ELFN2: variants seen among roughly 807,000 people sequenced by gnomAD.
The protein encoded by ELFN2 is protein phosphatase 1 regulatory subunit 29.
ELFN2 carries 17 observed loss-of-function variants against 45.5 expected under a neutral mutation model. That is an observed-to-expected ratio of 0.37 (90% CI 0.26 to 0.56). The LOEUF (loss-of-function observed/expected upper bound fraction) is 0.56, where lower values mean the gene tolerates loss of function less well. ELFN2 is among the 20% of genes least tolerant of loss of function. ELFN2 has a pLI of 0.77. For synonymous variants in ELFN2, 550 were observed against 551.5 expected, an observed-to-expected ratio of 1.00 and a Z score of 0.04; for missense variants, 922 against 1,183.2, an observed-to-expected ratio of 0.78 and a Z score of 3.24.
chr22:37,374,080 C>T lies in ELFN2; in HGVS notation c.1455G>A (p.Lys485=). 6.2e-7 allele frequency: 1 copy of T among 1,613,248 alleles called. No homozygotes were observed. Among genetic ancestry groups the T allele is most frequent in the Non-Finnish European group, 8.5e-7 (1 of 1,180,020 alleles). ...SMIGEKLPTA[K]GLEAGLDTPK... ...GTGTGTCCAGCCCGGCCTCCAACCC[C>T]TTGGCGGTGGGCAGCTTCTCCCCGA... Residue 485 remains lysine, a synonymous_variant, in exon 3 of 3, where the codon AAG becomes AAA. Coordinates refer to ENST00000402918, the MANE Select transcript of ELFN2 (RefSeq NM_052906.5).
At chr22:37,389,835 C>T (rs1429830252) in intron 2 of ELFN2, among the ~76,000 whole-genome samples, 2 of 152,158 alleles carry the variant, frequency 1.3e-5, no homozygotes, top group African/African-American at 2.4e-5. Context: ...TAAGGCCTGG[C>T]GCATAGTAGG....
At chr22:37,425,197 T>A (rs1932838702) in intron 1 of ELFN2, among the ~76,000 whole-genome samples, 1 of 152,114 alleles carries the variant, frequency 6.6e-6, no homozygotes, top group African/African-American at 2.4e-5. Flanking sequence ...CTGGCTGGGA[T>A]GAAGAGGAAA....
rs575888121 is a variant in ELFN2 at position 37,398,900 on chromosome 22, C to T, written c.-463+18869G>A. On this transcript the variant is annotated intron_variant, in intron 2 of 2. Coordinates refer to ENST00000402918, the MANE Select transcript of ELFN2 (RefSeq NM_052906.5). ...TCCCACCTCCAGCCCAACCCCAGAA[C>T]AGCACCTCCAAGAAACACCCCCTGT... 3.0e-4 allele frequency among the ~76,000 whole-genome samples: 46 copies of T among 152,244 alleles called. 2 individuals are homozygous for T. The South Asian group carries it at 9.6e-3, about 32-fold the overall frequency.
At chr22:37,344,117 C>T (rs1210581612) in intron 1 of ELFN2, among the ~76,000 whole-genome samples, 5 of 112,930 alleles carry the variant, frequency 4.4e-5, no homozygotes, top group African/African-American at 1.4e-4. Flanking sequence ...TGCCTATGCC[C>T]GCCTGCCCAT....
Position 37,373,386 on chromosome 22 carries a change from A to G in ELFN2, c.2149T>C (p.Tyr717His). The change falls in exon 3 of 3, where the codon TAC becomes CAC. Residue 717 changes from tyrosine (Y) to histidine (H), a missense_variant. Tyr to His is a moderately conservative substitution (Grantham distance 83). Transcript: ENST00000402918. ...EHRHSFPALY[Y>H]EEGADSLSQR... ...CTCAGGCTGTCGGCACCCTCCTCGT[A>G]GTACAGGGCGGGAAAGCTGTGCCGG... 1 of 1,609,260 alleles carries G rather than the reference A, an allele frequency of 6.2e-7. No homozygotes were observed. The highest frequency in any genetic ancestry group is 1.7e-5 in the Admixed American group (1 of 59,386).
chr22:37,355,493 G>A (rs1930927018), intron 1 of ELFN2, among the ~76,000 whole-genome samples: 1 of 152,224 alleles, frequency 6.6e-6, no homozygotes, highest in Non-Finnish European at 1.5e-5. Flanking sequence ...TGGAGGTGGT[G>A]CTGGCGTCCT....
chr22:37,387,584 G>A (rs1048695435), intron 2 of ELFN2, among the ~76,000 whole-genome samples: 4 of 152,100 alleles, frequency 2.6e-5, no homozygotes, highest in African/African-American at 9.7e-5. Flanking sequence ...CTGGTGCCAG[G>A]CACAGCGCCT....
At chr22:37,396,490 A>T (rs1157188616) in intron 2 of ELFN2, among the ~76,000 whole-genome samples, 2 of 152,208 alleles carry the variant, frequency 1.3e-5, no homozygotes, top group African/African-American at 4.8e-5. Flanking sequence ...ACCTTGTGCC[A>T]TCTACTTTCA....
intron 1 of ELFN2, among the ~76,000 whole-genome samples, chr22:37,362,577 C>T (rs1262568138): frequency 2.6e-5 from 4 of 152,344 alleles, no homozygotes; most frequent in South Asian, 2.1e-4. Flanking sequence ...GGGCCATGCC[C>T]GATCTGGGAC....
intron 2 of ELFN2, among the ~76,000 whole-genome samples, chr22:37,395,974 GGTGGTTAA>G (rs1048791288): frequency 6.6e-6 from 1 of 152,198 alleles, no homozygotes; most frequent in African/African-American, 2.4e-5. Flanking sequence ...ACCCGAAGCT[GGTGGTTAA>G]GTGGGAGGCT....
rs552041224 is a variant in ELFN2, at chr22:37,417,305, C to T, written c.-463+464G>A. Among the ~76,000 whole-genome samples, 20 of 152,336 alleles carry T rather than the reference C, an allele frequency of 1.3e-4. No individual in the cohort carries two copies. In the East Asian group the frequency reaches 1.5e-3, roughly 12 times the overall value. ...TTCTGCTGGCGTTTTCCCCTGCTCC[C>T]GGCTCACTTCCAGCCTCTCTCTCTA... On this transcript the variant is annotated intron_variant, in intron 2 of 2. Coordinates refer to ENST00000402918, the MANE Select transcript of ELFN2 (RefSeq NM_052906.5). This position sits in a 1 kb window ranked among gnomAD's most constrained non-coding sequence, Gnocchi z 4.5.
At chr22:37,353,675 A>G (rs1277807872) in intron 1 of ELFN2, 1 of 151,090 alleles carries the variant, frequency 6.6e-6, no homozygotes, top group Non-Finnish European at 1.5e-5. Flanking sequence ...GCTCAGCTTC[A>G]TCATCAGGGA....
At position 37,374,762 on chromosome 22, in the gene ELFN2, G is replaced by T; in HGVS notation, c.773C>A (p.Pro258His). 1 of 1,609,972 alleles carries T rather than the reference G, an allele frequency of 6.2e-7. No homozygotes were observed. The highest frequency in any genetic ancestry group is 1.1e-5 in the South Asian group (1 of 91,038). Residue 258 changes from proline to histidine, a missense_variant, in exon 3 of 3, where the codon CCC becomes CAC. By Grantham distance (77) the Pro-to-His change is moderately conservative (BLOSUM62 -2). Around this residue, in one of 2 missense-constraint regions of ELFN2, gnomAD observed 358 missense variants for 540.4 expected, o/e 0.66. Coordinates refer to ENST00000402918, the MANE Select transcript of ELFN2 (RefSeq NM_052906.5). ...GSLPARPVSH[P>H]TPYSTDAQRE... ...CTGGGCGTCGGTGGAGTAGGGCGTGGGGTGGCTCACGGGCCGGGCGGGCAG... is the reference window on the plus strand; with the variant it reads ...CTGGGCGTCGGTGGAGTAGGGCGTGTGGTGGCTCACGGGCCGGGCGGGCAG...
At chr22:37,409,424 G>A (rs1002388828) in intron 2 of ELFN2, among the ~76,000 whole-genome samples, 2 of 152,186 alleles carry the variant, frequency 1.3e-5, no homozygotes, top group African/African-American at 4.8e-5. Flanking sequence ...TGTCCCCAGA[G>A]ACAGCCAGGG....
chr22:37,363,153 C>A (rs1423550591), downstream of ELFN2, among the ~76,000 whole-genome samples: 2 of 152,198 alleles, frequency 1.3e-5, no homozygotes, highest in African/African-American at 4.8e-5. Flanking sequence ...TGGTCTGCAG[C>A]CCTCCTGACA....
chr22:37,374,486 T>C lies in ELFN2; in HGVS notation c.1049A>G (p.Lys350Arg), dbSNP rs754171824. The C allele has an allele frequency of 3.1e-6, 5 of 1,614,070 alleles. No homozygotes were observed. In the East Asian group the frequency reaches 1.1e-4, roughly 36 times the overall value. The change falls in exon 3 of 3, where the codon AAA becomes AGA. Residue 350 changes from lysine (K) to arginine (R), a missense_variant. Transcript: ENST00000402918. Reference protein sequence around the residue: ...KNKKEIVTLDKLRAHTEYTFC... With the variant: ...KNKKEIVTLDRLRAHTEYTFC... ...GGTGTACTCAGTGTGCGCCCGCAGT[T>C]TGTCCAGCGTCACGATCTCCTTCTT... is the stretch of plus-strand genomic sequence containing the variant.
In ELFN2 at chr22:37,373,490, G is replaced by A. The variant is rs761796191; in HGVS notation, c.2045C>T (p.Ala682Val). 2.2e-5 allele frequency: 34 copies of A among 1,542,930 alleles called. No individual in the cohort carries two copies. The highest frequency in any genetic ancestry group is 1.8e-4 in the Middle Eastern group (1 of 5,656). The change falls in exon 3 of 3, where the codon GCG (alanine) becomes GTG (valine). Residue 682 changes from alanine (A) to valine (V), a missense_variant. Around this residue, in one of 2 missense-constraint regions of ELFN2, gnomAD observed 564 missense variants for 642.8 expected, o/e 0.88. Coordinates refer to ENST00000402918, the MANE Select transcript of ELFN2 (RefSeq NM_052906.5). The stretch of plus-strand genomic sequence containing the variant: ...CCCGCCGCTGCCCCCGCCGCTGCCC[G>A]CCGGCACCAGCGGGAGCCGGTCCAG... ...SPLDRLPLVP[A>V]GSGGGSGGGG...
intron 2 of ELFN2, among the ~76,000 whole-genome samples, chr22:37,406,858 T>C (rs1312838444): frequency 2.6e-5 from 4 of 152,008 alleles, no homozygotes; most frequent in Non-Finnish European, 5.9e-5. Context: ...GAAGGAGACG[T>C]GGTCAGAAGC....
intron 1 of ELFN2, among the ~76,000 whole-genome samples, chr22:37,422,383 T>A (rs1932815166): frequency 6.6e-6 from 1 of 152,058 alleles, no homozygotes; most frequent in African/African-American, 2.4e-5. Flanking sequence ...AGAATTCGTT[T>A]TTTTTGTTTT....
Sources: allele counts gnomAD v4.1 joint callset (sites outside exome capture counted in the v4.1 genomes callset), GRCh38; gene constraint gnomAD v4.1.1; regional missense constraint gnomAD v4.1.1; non-coding constraint Gnocchi (gnomAD v3.1); transcripts MANE v1.5; gene names NCBI Gene and HGNC (gene_info 2026-07-23, HGNC 2026-07-21).